The following CSMD1 variants were observed in gnomAD, a reference collection of about 807,000 sequenced individuals.
CSMD1 encodes CUB and sushi domain-containing protein 1.
Under a neutral mutation model 417.5 loss-of-function variants are expected in CSMD1, and 213 were observed. The ratio of observed to expected loss-of-function variants is 0.51; its 90% CI spans 0.46 to 0.57. The LOEUF (loss-of-function observed/expected upper bound fraction) is 0.57. Ranked by LOEUF, CSMD1 falls within the 20% of genes least tolerant of loss-of-function variation. CSMD1 has a pLI of 0.00. For synonymous variants in CSMD1, 2,862 were observed against 1,736.8 expected, an observed-to-expected ratio of 1.65 and a Z score of -16.11; for missense variants, 6,923 against 4,529.7, an observed-to-expected ratio of 1.53 and a Z score of -15.17.
At chr8:3,324,425 C>T (rs1367432065) in intron 23 of CSMD1, among the ~76,000 whole-genome samples, 1 of 146,184 alleles carries the variant, frequency 6.8e-6, no homozygotes, top group Non-Finnish European at 1.5e-5. Context: ...AATAGGCCCA[C>T]ACCTAATCCT....
chr8:4,267,044 C>T, intron 3 of CSMD1, among the ~76,000 whole-genome samples: 1 of 103,686 alleles, frequency 9.6e-6, no homozygotes, highest in Non-Finnish European at 2.6e-5. Flanking sequence ...GTAACAGAAA[C>T]CATTCCTGTT....
At chr8:4,791,887 C>A (rs1485989478) in intron 1 of CSMD1, among the ~76,000 whole-genome samples, 1 of 151,674 alleles carries the variant, frequency 6.6e-6, no homozygotes, top group Non-Finnish European at 1.5e-5. Flanking sequence ...CATTCAGCAA[C>A]AATTGGTTCA....
chr8:3,762,750 G>C (rs562471978), intron 5 of CSMD1, among the ~76,000 whole-genome samples: 1 of 152,296 alleles, frequency 6.6e-6, no homozygotes, highest in Admixed American at 6.5e-5. Context: ...AGCTCGGCTT[G>C]GTTTATTCCC....
At chr8:3,941,498 A>C (rs1357815111) in intron 5 of CSMD1, among the ~76,000 whole-genome samples, 1 of 152,196 alleles carries the variant, frequency 6.6e-6, no homozygotes, top group Non-Finnish European at 1.5e-5. Flanking sequence ...ATCTGAATAA[A>C]AGGAGCTTTG....
chr8:3,803,219 G>T (rs1222965768), intron 5 of CSMD1, among the ~76,000 whole-genome samples: 1 of 152,092 alleles, frequency 6.6e-6, no homozygotes, highest in African/African-American at 2.4e-5. Flanking sequence ...GTGATGACTT[G>T]TGTGCCAACC....
chr8:4,858,696 TC>T (rs1264499070), intron 1 of CSMD1, among the ~76,000 whole-genome samples: 1 of 149,778 alleles, frequency 6.7e-6, no homozygotes, highest in Non-Finnish European at 1.5e-5. Context: ...TACCTAGGAA[TC>T]CAACTTACAA....
In CSMD1 at chr8:3,718,296, A is replaced by T. The variant is rs574170651; in HGVS notation, c.932-9805T>A. 8.7e-4 allele frequency among the ~76,000 whole-genome samples: 132 copies of T among 151,750 alleles called. No homozygotes were observed. In the East Asian group the frequency reaches 9.1e-3, roughly 10 times the overall value. ...CTTACAAATATTCAGGCATTCCTGC[A>T]TTTTTTTTATTGGATTTTTGATGTC... On this transcript the variant is annotated intron_variant, in intron 6 of 69. Coordinates refer to ENST00000635120, the MANE Select transcript of CSMD1 (RefSeq NM_033225.6).
chr8:3,328,519 T>C (rs1806684599), intron 23 of CSMD1, among the ~76,000 whole-genome samples: 1 of 152,234 alleles, frequency 6.6e-6, no homozygotes, highest in Non-Finnish European at 1.5e-5. Flanking sequence ...GACTGTCATA[T>C]GATCTTCGGC....
At chr8:4,790,972 A>C (rs184198481) in intron 1 of CSMD1, among the ~76,000 whole-genome samples, 11 of 152,330 alleles carry the variant, frequency 7.2e-5, no homozygotes, top group African/African-American at 2.4e-4. Flanking sequence ...AAAAGTAAAA[A>C]TTGACAAGTG....
At chr8:4,921,816 G>C (rs569692473) in intron 1 of CSMD1, among the ~76,000 whole-genome samples, 1 of 152,076 alleles carries the variant, frequency 6.6e-6, no homozygotes, top group Non-Finnish European at 1.5e-5. Flanking sequence ...CATGGCGAGA[G>C]GACTTTATAA....
chr8:3,940,495 C>A (rs567406555), intron 5 of CSMD1, among the ~76,000 whole-genome samples: 2 of 91,700 alleles, frequency 2.2e-5, no homozygotes, highest in African/African-American at 8.4e-5. Context: ...AAATTATTTC[C>A]TCTGTGTGTG....
intron 3 of CSMD1, among the ~76,000 whole-genome samples, chr8:4,100,613 C>G (rs1255200668): frequency 4.6e-5 from 7 of 152,182 alleles, no homozygotes; most frequent in African/African-American, 1.7e-4. Context: ...TATACAGTTT[C>G]CACCGTGATA....
At chr8:3,168,236 C>A (rs905742264) in intron 37 of CSMD1, among the ~76,000 whole-genome samples, 3 of 152,136 alleles carry the variant, frequency 2.0e-5, no homozygotes, top group African/African-American at 7.2e-5. Flanking sequence ...AGACCATGAA[C>A]ACTATGTGGA....
At chr8:3,867,328 G>C (rs894205323) in intron 5 of CSMD1, among the ~76,000 whole-genome samples, 3 of 152,094 alleles carry the variant, frequency 2.0e-5, no homozygotes, top group East Asian at 1.9e-4. Context: ...ACAAACAGTA[G>C]GGTAGCCTAG....
At chr8:4,559,023 T>G (rs1332766810) in intron 2 of CSMD1, among the ~76,000 whole-genome samples, 1 of 152,198 alleles carries the variant, frequency 6.6e-6, no homozygotes, top group East Asian at 1.9e-4. Flanking sequence ...ATCGTAGAGT[T>G]CTTTGCAAAG....
intron 5 of CSMD1, among the ~76,000 whole-genome samples, chr8:3,774,098 T>G (rs1392504142): frequency 6.6e-6 from 1 of 152,174 alleles, no homozygotes; most frequent in Non-Finnish European, 1.5e-5. Context: ...CTTGTCTAAA[T>G]ATGTCCGCAA....
intron 8 of CSMD1, among the ~76,000 whole-genome samples, chr8:3,601,511 C>A (rs191632261): frequency 6.6e-6 from 1 of 152,190 alleles, no homozygotes; most frequent in African/African-American, 2.4e-5. Context: ...TGGTTACCAA[C>A]CTCGCTTGCA....
chr8:4,594,033 T>C (rs1219350739), intron 2 of CSMD1, among the ~76,000 whole-genome samples: 1 of 152,018 alleles, frequency 6.6e-6, no homozygotes, highest in African/African-American at 2.4e-5. Context: ...CTGGTGCTCC[T>C]TGGCTGGAAG....
At chr8:4,512,699 C>G (rs1243870724) in intron 2 of CSMD1, among the ~76,000 whole-genome samples, 1 of 151,688 alleles carries the variant, frequency 6.6e-6, no homozygotes, top group Non-Finnish European at 1.5e-5. Flanking sequence ...TAGCATACCC[C>G]AAAATGAAAT....
Sources: allele counts gnomAD v4.1 joint callset (sites outside exome capture counted in the v4.1 genomes callset), GRCh38; gene constraint gnomAD v4.1.1; transcripts MANE v1.5; gene names NCBI Gene and HGNC (gene_info 2026-07-23, HGNC 2026-07-21).